The following PAIP2 variants were observed in gnomAD, a reference collection of about 807,000 sequenced individuals.
PAIP2 encodes polyadenylate-binding protein-interacting protein 2.
A neutral mutation model predicts 14.8 loss-of-function variants in PAIP2; 7 were observed. The observed-to-expected ratio is 0.47, with a 90% CI of 0.27 to 0.89. The LOEUF (loss-of-function observed/expected upper bound fraction) is 0.89. PAIP2 is among the 40% of genes least tolerant of loss of function. The pLI, the probability that PAIP2 is intolerant of heterozygous loss-of-function variation, is 0.13. For missense variants in PAIP2, 122 were observed against 154.7 expected (o/e 0.79, Z 1.12); for synonymous variants, 47 against 45.3 (o/e 1.04, Z -0.15).
At chr5:139,349,880 T>G (rs979576486) in intron 1 of PAIP2, among the ~76,000 whole-genome samples, 1 of 152,060 alleles carries the variant, frequency 6.6e-6, no homozygotes, top group African/African-American at 2.4e-5. Context: ...CGTGCACCTG[T>G]GATCCCAGCT....
At chr5:139,357,289 A>T (rs938036121) in intron 1 of PAIP2, among the ~76,000 whole-genome samples, 1 of 152,316 alleles carries the variant, frequency 6.6e-6, no homozygotes, top group South Asian at 2.1e-4. Flanking sequence ...TGACATGCCT[A>T]TGGCTTTCTA....
chr5:139,345,109 G>A (rs1347293553), intron 1 of PAIP2, among the ~76,000 whole-genome samples: 6 of 152,014 alleles, frequency 3.9e-5, no homozygotes, highest in South Asian at 2.1e-4. Flanking sequence ...GCAGTGGCGC[G>A]ATCTCGGCTC....
chr5:139,363,768 G>T lies in PAIP2; in HGVS notation c.-17G>T, dbSNP rs748749763. ...CTGTTGTTCTTTTAAGGTTAAAAAC[G>T]ACAACCAACATCAGCCATGAAAGAT... On this transcript the variant is annotated 5_prime_UTR_variant, in exon 2 of 4. Coordinates refer to ENST00000265192, the MANE Select transcript of PAIP2 (RefSeq NM_016480.5). 37 of 1,611,014 alleles carry T rather than the reference G, an allele frequency of 2.3e-5. No individual in the cohort carries two copies. Among genetic ancestry groups the T allele is most frequent in the African/African-American group, 5.3e-5 (4 of 74,800 alleles).
chr5:139,344,041 A>G (rs1301132690), intron 1 of PAIP2, among the ~76,000 whole-genome samples: 1 of 152,192 alleles, frequency 6.6e-6, no homozygotes, highest in Non-Finnish European at 1.5e-5. Context: ...GATTATTTTT[A>G]TTTAGCAAAT....
chr5:139,344,217 A>C (rs1011199902), intron 1 of PAIP2, among the ~76,000 whole-genome samples: 5 of 152,188 alleles, frequency 3.3e-5, no homozygotes, highest in African/African-American at 1.2e-4. Context: ...TCGGAATTCA[A>C]ATCCAGATAG....
chr5:139,352,993 G>A (rs368490935), intron 1 of PAIP2, among the ~76,000 whole-genome samples: 72 of 151,926 alleles, frequency 4.7e-4, no homozygotes, highest in Middle Eastern at 6.8e-3. Flanking sequence ...GAGCATGCCT[G>A]TAATCCCAGC....
chr5:139,344,877 CA>C (rs1378722748), intron 1 of PAIP2, among the ~76,000 whole-genome samples: 1 of 152,060 alleles, frequency 6.6e-6, no homozygotes, highest in Non-Finnish European at 1.5e-5. Flanking sequence ...AATATTTAAT[CA>C]CCGAGATAGT....
intron 1 of PAIP2, among the ~76,000 whole-genome samples, chr5:139,346,395 C>T (rs1054196619): frequency 2.0e-5 from 3 of 152,120 alleles, no homozygotes; most frequent in East Asian, 3.9e-4. Context: ...GCATGTGCCA[C>T]CACGCCCAGC....
chr5:139,348,368 T>C (rs1435790231), intron 1 of PAIP2, among the ~76,000 whole-genome samples: 1 of 150,984 alleles, frequency 6.6e-6, no homozygotes, highest in Admixed American at 6.6e-5. Flanking sequence ...TTTTTTTTTT[T>C]TTTTGAGACG....
chr5:139,362,644 A>G (rs1259843791), intron 1 of PAIP2, among the ~76,000 whole-genome samples: 3 of 151,884 alleles, frequency 2.0e-5, no homozygotes, highest in Non-Finnish European at 2.9e-5. Flanking sequence ...TCTCGACCTC[A>G]GGTGATCCAC....
chr5:139,345,546 A>G (rs892391278), intron 1 of PAIP2, among the ~76,000 whole-genome samples: 3 of 152,194 alleles, frequency 2.0e-5, no homozygotes, highest in Non-Finnish European at 4.4e-5. Context: ...CAGTGGTTCA[A>G]AACAGAGTCC....
At chr5:139,361,532 T>C (rs1044711901) in intron 1 of PAIP2, among the ~76,000 whole-genome samples, 1 of 152,190 alleles carries the variant, frequency 6.6e-6, no homozygotes, top group Non-Finnish European at 1.5e-5. Context: ...TATTTTAGAA[T>C]GTGAAACCTT....
intron 1 of PAIP2, among the ~76,000 whole-genome samples, chr5:139,353,308 TTTG>T (rs923214243): frequency 2.0e-5 from 3 of 152,158 alleles, no homozygotes; most frequent in African/African-American, 7.2e-5. Flanking sequence ...TTTAATTATT[TTTG>T]TTCTGGAGAA....
At chr5:139,343,406 G>A (rs1315827633) in intron 1 of PAIP2, 1 of 152,158 alleles carries the variant, frequency 6.6e-6, no homozygotes, top group East Asian at 1.9e-4. Context: ...CTCAAATTGA[G>A]GTAGGTAATT....
chr5:139,362,486 C>T (rs980337374), intron 1 of PAIP2, among the ~76,000 whole-genome samples: 2 of 149,378 alleles, frequency 1.3e-5, no homozygotes, highest in Non-Finnish European at 3.0e-5. Context: ...TCTTGGCTCA[C>T]CACAGCCTCC....
At chr5:139,347,773 TA>T (rs950513047) in intron 1 of PAIP2, among the ~76,000 whole-genome samples, 2,191 of 141,426 alleles carry the variant, frequency 0.015, 20 homozygotes, top group East Asian at 0.027. Context: ...GGTACATCCA[TA>T]AAAAAAAAAA....
intron 1 of PAIP2, among the ~76,000 whole-genome samples, chr5:139,344,647 T>G (rs1478027840): frequency 6.6e-6 from 1 of 152,214 alleles, no homozygotes; most frequent in Non-Finnish European, 1.5e-5. Context: ...AGCCTCTGCT[T>G]CTTATATCAG....
At chr5:139,353,128 G>A (rs1012894586) in intron 1 of PAIP2, among the ~76,000 whole-genome samples, 1 of 151,632 alleles carries the variant, frequency 6.6e-6, no homozygotes, top group Non-Finnish European at 1.5e-5. Context: ...AAAAGTAACA[G>A]CTGAGTATAG....
At chr5:139,345,789 G>A (rs1433119394) in intron 1 of PAIP2, among the ~76,000 whole-genome samples, 1 of 151,708 alleles carries the variant, frequency 6.6e-6, no homozygotes, top group Non-Finnish European at 1.5e-5. Flanking sequence ...CACCATGCCT[G>A]GCTAATTTTT....
Sources: allele counts gnomAD v4.1 joint callset (sites outside exome capture counted in the v4.1 genomes callset), GRCh38; gene constraint gnomAD v4.1.1; transcripts MANE v1.5; gene names NCBI Gene and HGNC (gene_info 2026-07-23, HGNC 2026-07-21).